ERC1: variants seen among roughly 807,000 people sequenced by gnomAD.
ERC1 encodes the protein ELKS/RAB6-interacting/CAST family member 1, also known as RAB6 interacting protein 2.
Under a neutral mutation model 132.0 loss-of-function variants are expected in ERC1, and 56 were observed. The observed-to-expected ratio is 0.42, with a 90% CI of 0.34 to 0.53. The LOEUF is 0.53. Among genes scored for constraint, ERC1 ranks in the 20% least tolerant of loss-of-function variants. The pLI, the probability that ERC1 is intolerant of heterozygous loss-of-function variation, is 0.03. For missense variants in ERC1, 1,202 were observed against 1,349.9 expected (o/e 0.89, Z 1.72); for synonymous variants, 478 against 476.1 (o/e 1.00, Z -0.05).
At chr12:1,279,236 G>A (rs1019798644) in intron 14 of ERC1, among the ~76,000 whole-genome samples, 1 of 152,080 alleles carries the variant, frequency 6.6e-6, no homozygotes, top group African/African-American at 2.4e-5. Flanking sequence ...TTACCAGATG[G>A]GGTCAGTAGA....
At chr12:1,296,120 A>G (rs551816194) in intron 15 of ERC1, among the ~76,000 whole-genome samples, 4 of 152,180 alleles carry the variant, frequency 2.6e-5, no homozygotes, top group African/African-American at 9.6e-5. Flanking sequence ...AAGGAAAAGT[A>G]TTTTAAAATG....
At chr12:1,207,718 AT>A (rs1421809743) in intron 12 of ERC1, among the ~76,000 whole-genome samples, 10 of 152,224 alleles carry the variant, frequency 6.6e-5, no homozygotes, top group Non-Finnish European at 1.5e-4. Context: ...TAAATGGTAA[AT>A]GTTTTTTTAG....
At chr12:1,345,290 C>T (rs1219183996) in intron 15 of ERC1, among the ~76,000 whole-genome samples, 1 of 150,014 alleles carries the variant, frequency 6.7e-6, no homozygotes, top group African/African-American at 2.5e-5. Context: ...ACGCCATTCT[C>T]CTGCCTCAGC....
intron 16 of ERC1, among the ~76,000 whole-genome samples, chr12:1,378,499 G>T (rs1424643320): frequency 1.3e-5 from 2 of 152,162 alleles, no homozygotes; most frequent in Non-Finnish European, 2.9e-5. Flanking sequence ...CAAGAAAATA[G>T]ACCTGTCTGT....
At chr12:1,240,357 G>A (rs1386824477) in intron 13 of ERC1, among the ~76,000 whole-genome samples, 3 of 152,058 alleles carry the variant, frequency 2.0e-5, no homozygotes, top group Admixed American at 6.6e-5. Flanking sequence ...CTATACTTTT[G>A]CATGTTTGAA....
Position 1,405,827 on chromosome 12 carries a change from G to A in ERC1, c.2926-2322G>A, listed in dbSNP as rs559768684. Among the ~76,000 whole-genome samples the A allele has an allele frequency of 3.3e-5, 5 of 152,260 alleles. 1 individual carries two copies. The South Asian group carries it at 1.0e-3, about 32-fold the overall frequency. The stretch of plus-strand genomic sequence containing the variant: ...ACTCTCTGAGAAGCCAAGACGGGGG[G>A]ATCACTTAAGGCCAGGAGTTTAAGA... On this transcript the variant is annotated intron_variant, in intron 16 of 18. Coordinates refer to ENST00000360905, the MANE Select transcript of ERC1 (RefSeq NM_178040.4).
chr12:1,212,743 G>A (rs1453358495), intron 12 of ERC1, among the ~76,000 whole-genome samples: 2 of 152,140 alleles, frequency 1.3e-5, no homozygotes, highest in South Asian at 2.1e-4. Context: ...GGTTACACCC[G>A]TGAAAAGGAG....
intron 17 of ERC1, among the ~76,000 whole-genome samples, chr12:1,426,245 A>G (rs1419084840): frequency 6.6e-6 from 1 of 151,982 alleles, no homozygotes; most frequent in Non-Finnish European, 1.5e-5. Context: ...CTGGGATTAC[A>G]AGTGCGTGCA....
At chr12:1,396,986 A>C (rs1021046523) in intron 16 of ERC1, among the ~76,000 whole-genome samples, 2 of 152,210 alleles carry the variant, frequency 1.3e-5, no homozygotes, top group African/African-American at 4.8e-5. Context: ...AACCAAAGTT[A>C]TCAAGCCTGT....
chr12:1,219,081 C>T (rs1474914885), intron 12 of ERC1, among the ~76,000 whole-genome samples: 1 of 151,988 alleles, frequency 6.6e-6, no homozygotes, highest in Admixed American at 6.6e-5. Context: ...CCATATTGGC[C>T]AGGCTGGTCT....
At chr12:1,179,464 T>C (rs1273981907) in intron 8 of ERC1, among the ~76,000 whole-genome samples, 1 of 151,544 alleles carries the variant, frequency 6.6e-6, no homozygotes, top group Non-Finnish European at 1.5e-5. Context: ...TTTCTTACCA[T>C]CTCATGGTAG....
chr12:1,288,792 C>T (rs888581158), intron 14 of ERC1, among the ~76,000 whole-genome samples: 1 of 152,266 alleles, frequency 6.6e-6, no homozygotes, highest in South Asian at 2.1e-4. Context: ...AATTAACAAC[C>T]TAACATAAAG....
intron 15 of ERC1, among the ~76,000 whole-genome samples, chr12:1,327,039 T>C (rs1816328719): frequency 6.6e-6 from 1 of 152,196 alleles, no homozygotes; most frequent in Non-Finnish European, 1.5e-5. Flanking sequence ...GCTGGGGATT[T>C]TAAATTTAAC....
At chr12:1,273,479 C>G (rs2078025272) in intron 14 of ERC1, among the ~76,000 whole-genome samples, 1 of 152,136 alleles carries the variant, frequency 6.6e-6, no homozygotes, top group Non-Finnish European at 1.5e-5. Flanking sequence ...TGCTTATTGG[C>G]TTCTGAAACC....
chr12:1,336,736 A>G (rs566828607), intron 15 of ERC1, among the ~76,000 whole-genome samples: 21 of 151,980 alleles, frequency 1.4e-4, no homozygotes, highest in Non-Finnish European at 2.8e-4. Context: ...TTGGGTGGAG[A>G]ATTCTGTAGA....
intron 15 of ERC1, among the ~76,000 whole-genome samples, chr12:1,328,065 A>G (rs1288791791): frequency 2.0e-5 from 3 of 152,092 alleles, no homozygotes. Flanking sequence ...CATCTTAGCT[A>G]ATTTGTAACT....
At chr12:1,345,395 G>T in intron 15 of ERC1, among the ~76,000 whole-genome samples, 1 of 152,042 alleles carries the variant, frequency 6.6e-6, no homozygotes, top group East Asian at 1.9e-4. Context: ...GTGTTAGCCA[G>T]GATGGTCTCA....
chr12:1,016,127 T>A (rs905591774), intron 1 of ERC1, among the ~76,000 whole-genome samples: 6 of 151,336 alleles, frequency 4.0e-5, no homozygotes, highest in Non-Finnish European at 7.4e-5. Flanking sequence ...TCACATATAA[T>A]TATTTAAATA....
chr12:1,464,549 T>G (rs1013306803), intron 18 of ERC1, among the ~76,000 whole-genome samples: 1 of 134,972 alleles, frequency 7.4e-6, no homozygotes, highest in Non-Finnish European at 1.5e-5. Context: ...AGACAGAGTT[T>G]CGCTCCGTTG....
Sources: allele counts gnomAD v4.1 joint callset (sites outside exome capture counted in the v4.1 genomes callset), GRCh38; gene constraint gnomAD v4.1.1; transcripts MANE v1.5; gene names NCBI Gene and HGNC (gene_info 2026-07-23, HGNC 2026-07-21).